Variants in ZNF827 observed in about 807,000 individuals in gnomAD.
ZNF827 encodes zinc finger protein 827.
A neutral mutation model predicts 102.4 loss-of-function variants in ZNF827; 13 were observed. That is an observed-to-expected ratio of 0.13 (90% CI 0.08 to 0.20). ZNF827 has a LOEUF of 0.20. Among genes scored for constraint, ZNF827 ranks in the 10% least tolerant of loss-of-function variants. The pLI is 1.00. For synonymous variants in ZNF827, 523 were observed against 536.2 expected (o/e 0.98, Z 0.34); for missense variants, 1,103 against 1,344.4 (o/e 0.82, Z 2.81).
intron 2 of ZNF827, among the ~76,000 whole-genome samples, chr4:145,897,350 T>C (rs1751061986): frequency 6.6e-6 from 1 of 152,208 alleles, no homozygotes; most frequent in South Asian, 2.1e-4. Context: ...TGTTCAATCC[T>C]ATGTGGTGAT....
chr4:145,806,327 T>G (rs987191343), intron 8 of ZNF827, among the ~76,000 whole-genome samples: 1 of 149,414 alleles, frequency 6.7e-6, no homozygotes, highest in Non-Finnish European at 1.5e-5. Flanking sequence ...ACTTTTTTTT[T>G]GTATTTTTGG....
intron 8 of ZNF827, among the ~76,000 whole-genome samples, chr4:145,783,273 AG>A (rs1453656831): frequency 6.6e-6 from 1 of 152,228 alleles, no homozygotes; most frequent in Non-Finnish European, 1.5e-5. Flanking sequence ...ACTGAATAAA[AG>A]GGTCCAAGTG....
chr4:145,852,097 T>C (rs1293578797), intron 5 of ZNF827, among the ~76,000 whole-genome samples: 1 of 152,202 alleles, frequency 6.6e-6, no homozygotes, highest in Non-Finnish European at 1.5e-5. Flanking sequence ...CACTGGGAAG[T>C]CATTGTAAGG....
intron 3 of ZNF827, among the ~76,000 whole-genome samples, chr4:145,890,974 A>G (rs1750547214): frequency 6.6e-6 from 1 of 152,238 alleles, no homozygotes; most frequent in African/African-American, 2.4e-5. Flanking sequence ...ACACTTTTTT[A>G]GAGCTACAAT....
chr4:145,840,322 G>A (rs1037932135), intron 7 of ZNF827, among the ~76,000 whole-genome samples: 2 of 152,258 alleles, frequency 1.3e-5, no homozygotes, highest in Non-Finnish European at 2.9e-5. Context: ...AGAGGGGCAT[G>A]ATTAACGTCA....
intron 7 of ZNF827, among the ~76,000 whole-genome samples, chr4:145,835,448 G>A (rs1239460153): frequency 6.6e-6 from 1 of 150,934 alleles, no homozygotes; most frequent in Non-Finnish European, 1.5e-5. Context: ...TGCCAACTTA[G>A]ACAACACTCT....
chr4:145,793,289 A>C (rs867997844), intron 8 of ZNF827, among the ~76,000 whole-genome samples: 1,440 of 46,220 alleles, frequency 0.031, 35 homozygotes, highest in African/African-American at 0.1. Context: ...TAATATATAT[A>C]TGATATATAT....
chr4:145,936,993 T>C (rs2127014838), intron 1 of ZNF827, among the ~76,000 whole-genome samples: 1 of 151,558 alleles, frequency 6.6e-6, no homozygotes, highest in African/African-American at 2.4e-5. Flanking sequence ...CTCCTCCCCG[T>C]CACCCCGCCC....
At chr4:145,778,284 C>A (rs1737407981) in intron 9 of ZNF827, among the ~76,000 whole-genome samples, 1 of 152,120 alleles carries the variant, frequency 6.6e-6, no homozygotes, top group Non-Finnish European at 1.5e-5. Context: ...CAAGCGTGCA[C>A]CACCACATCC....
chr4:145,854,979 C>T (rs982888405), intron 5 of ZNF827, among the ~76,000 whole-genome samples: 2 of 152,224 alleles, frequency 1.3e-5, no homozygotes, highest in South Asian at 2.1e-4. Flanking sequence ...CAAGAGAGCA[C>T]AGGGCATGGC....
chr4:145,825,506 T>C (rs1488647534), intron 7 of ZNF827, among the ~76,000 whole-genome samples: 1 of 152,188 alleles, frequency 6.6e-6, no homozygotes, highest in Non-Finnish European at 1.5e-5. Context: ...GACGTGGTGA[T>C]GCTGGTGGCC....
At chr4:145,897,813 A>G (rs1751092433) in intron 2 of ZNF827, among the ~76,000 whole-genome samples, 1 of 152,200 alleles carries the variant, frequency 6.6e-6, no homozygotes, top group Non-Finnish European at 1.5e-5. Flanking sequence ...TTAAAAAGTG[A>G]ATTTTCTAAA....
chr4:145,772,577 G>A (rs1435696235), intron 11 of ZNF827, among the ~76,000 whole-genome samples: 4 of 152,074 alleles, frequency 2.6e-5, no homozygotes, highest in African/African-American at 4.8e-5. Context: ...TATTGTCTAC[G>A]ACTACTTTCA....
chr4:145,843,694 C>T (rs1745641437), intron 7 of ZNF827, among the ~76,000 whole-genome samples: 1 of 152,208 alleles, frequency 6.6e-6, no homozygotes, highest in Admixed American at 6.5e-5. Flanking sequence ...CTCCCTCTGG[C>T]ACGAATGCAC....
chr4:145,903,175 T>C lies in ZNF827; in HGVS notation c.84A>G (p.Glu28=). The C allele has an allele frequency of 6.2e-7, 1 of 1,613,488 alleles. No individual in the cohort carries two copies. Among genetic ancestry groups the C allele is most frequent in the Non-Finnish European group, 8.5e-7 (1 of 1,179,504 alleles). The change falls in exon 2 of 15, where the codon GAA becomes GAG. Residue 28 remains glutamate (E), a synonymous_variant. Coordinates refer to ENST00000508784, the MANE Select transcript of ZNF827 (RefSeq NM_001306215.2). ...AAGAGTTTCCATACCAGTGTTCTCC[T>C]TCACTGAGCTCTCCCTCCGCCTCTT... ...RQEEAEGELS[E]GEHWYGNSSE...
Position 145,885,614 on chromosome 4 carries a change from G to GAC in ZNF827, c.1747+63_1747+64insGT, listed in dbSNP as rs1417485896. On this transcript the variant is annotated intron_variant, in intron 4 of 14. Coordinates refer to ENST00000508784, the MANE Select transcript of ZNF827 (RefSeq NM_001306215.2). ...AAGAATACTGGTAGACAGAGACAGA[G>GAC]AGAGAGAGAGAGAGAGAGAGAGAGA... is the stretch of plus-strand genomic sequence containing the variant. 50 of 60,352 alleles carry GAC rather than the reference G, an allele frequency of 8.3e-4. No homozygotes were observed. The African/African-American group carries it at 8.6e-3, about 10-fold the overall frequency. The allele number at this position is 60,352 out of a possible 1,614,324, so 3.7% of individuals were successfully genotyped here. A position where few individuals can be genotyped will look rare whatever the true frequency, so the allele number is the denominator to read the frequency against.
chr4:145,902,573 G>T lies in ZNF827; in HGVS notation c.686C>A (p.Thr229Asn), dbSNP rs1751511525. The stretch of plus-strand genomic sequence containing the variant: ...AAATCGCATGGTCTCCTCAGTCCTG[G>T]TGAGAGATTTGTCCTGCAGAACGGC... ...ANAVLQDKSL[T>N]RTEETMRFES... Residue 229 changes from threonine (T) to asparagine (N), a missense_variant, in exon 2 of 15, where the codon ACC becomes AAC. Thr to Asn is a moderately conservative substitution (Grantham distance 65, BLOSUM62 0). Transcript: ENST00000508784. This position sits in a 1 kb window ranked among gnomAD's most constrained non-coding sequence, Gnocchi z 4.3. 1 of 1,613,984 alleles carries T rather than the reference G, an allele frequency of 6.2e-7. No individual in the cohort carries two copies. Among genetic ancestry groups the T allele is most frequent in the South Asian group, 1.1e-5 (1 of 91,084 alleles).
intron 6 of ZNF827, among the ~76,000 whole-genome samples, chr4:145,846,379 G>A (rs1048417147): frequency 2.9e-4 from 44 of 152,318 alleles, no homozygotes; most frequent in Non-Finnish European, 4.7e-4. Context: ...TAGGGAGGCT[G>A]AGGCAGGAGA....
In ZNF827 at chr4:145,787,080, A is replaced by G. The variant is rs529758822; in HGVS notation, c.2384-7569T>C. ...CTCTCTGCAGGTCTTGGCAGAACCAACTTCCCCTTTAAGGACCATTACACT... is the reference window on the plus strand; with the variant it reads ...CTCTCTGCAGGTCTTGGCAGAACCAGCTTCCCCTTTAAGGACCATTACACT... On this transcript the variant is annotated intron_variant, in intron 8 of 14. Coordinates refer to ENST00000508784, the MANE Select transcript of ZNF827 (RefSeq NM_001306215.2). Among the ~76,000 whole-genome samples, 3 of 152,312 alleles carry G rather than the reference A, an allele frequency of 2.0e-5. No individual in the cohort carries two copies. The East Asian group carries it at 5.8e-4, about 29-fold the overall frequency.
Sources: gnomAD v4.1 joint callset for allele counts (sites outside exome capture counted in the v4.1 genomes callset) on GRCh38, gnomAD v4.1.1 for gene constraint, Gnocchi (gnomAD v3.1) non-coding constraint, MANE v1.5 for transcripts, NCBI Gene and HGNC (gene_info 2026-07-23, HGNC 2026-07-21) for gene names.